LMF1: variants seen among roughly 807,000 people sequenced by gnomAD.
LMF1 encodes the protein lipase maturation factor 1, also known as transmembrane protein 112.
Under a neutral mutation model 60.6 loss-of-function variants are expected in LMF1, and 68 were observed. The observed-to-expected ratio is 1.12, with a 90% CI of 0.92 to 1.37. The LOEUF is 1.37. LMF1 is among the 40% of genes most tolerant of loss of function. The pLI, the probability that LMF1 is intolerant of heterozygous loss-of-function variation, is 0.00. For synonymous variants in LMF1, 418 were observed against 324.7 expected (o/e 1.29, Z -3.09); for missense variants, 948 against 767.2 (o/e 1.24, Z -2.78).
At position 966,950 on chromosome 16, in the gene LMF1, T is replaced by C. The variant is rs148921816; in HGVS notation, c.193+3838A>G. On this transcript the variant is annotated intron_variant, in intron 1 of 10. Coordinates refer to ENST00000262301, the MANE Select transcript of LMF1 (RefSeq NM_022773.4). ...AGGCAGTTAAAATGCATTGTGTACA[T>C]ATACTATGTGACTCTCATCAATAGC... is the stretch of plus-strand genomic sequence containing the variant. Among the ~76,000 whole-genome samples, 45 of 152,388 alleles carry C rather than the reference T, an allele frequency of 3.0e-4. No individual in the cohort carries two copies. The East Asian group carries it at 6.9e-3, about 23-fold the overall frequency.
chr16:886,477 G>T (rs140049223), intron 5 of LMF1, among the ~76,000 whole-genome samples: 2,527 of 151,536 alleles, frequency 0.017, 64 homozygotes, highest in African/African-American at 0.059. Flanking sequence ...TTTGAACCGC[G>T]CCCGGCCAAA....
At chr16:869,799 G>A (rs1294893153) in intron 9 of LMF1, 84 bp downstream of exon 9, 1 of 1,394,584 alleles carries the variant, frequency 7.2e-7, no homozygotes, top group East Asian at 2.5e-5. Context: ...CCCCTTCAGT[G>A]GGCGTTCTAG....
chr16:882,221 A>G (rs2070181349), intron 5 of LMF1, among the ~76,000 whole-genome samples: 1 of 152,248 alleles, frequency 6.6e-6, no homozygotes, highest in South Asian at 2.1e-4. Context: ...TGGGGCTGAC[A>G]TGACCCAATG....
chr16:907,406 GA>G lies in LMF1; in HGVS notation c.663+3524del, dbSNP rs921252114. ...ACAAGGCGAGACTCCATCTCAAAAA[GA>G]AAAAAAAAAAAGAAATACAACTGAT... On this transcript the variant is annotated intron_variant, in intron 4 of 10. Coordinates refer to ENST00000262301, the MANE Select transcript of LMF1 (RefSeq NM_022773.4). Among the ~76,000 whole-genome samples, 215 of 141,026 alleles carry G rather than the reference GA, an allele frequency of 1.5e-3. 4 individuals are homozygous for G. The East Asian group carries it at 0.026, about 17-fold the overall frequency. The allele number at this position is 141,026 out of a possible 152,430, so 92.5% of individuals were successfully genotyped here.
At chr16:881,268 T>G (rs1049373256) in intron 5 of LMF1, among the ~76,000 whole-genome samples, 5 of 152,232 alleles carry the variant, frequency 3.3e-5, no homozygotes, top group African/African-American at 1.2e-4. Flanking sequence ...TCCTGAGGCC[T>G]CTGCTCATTT....
chr16:977,078 C>A, intron 1 of LMF1: 1 of 454,116 alleles, frequency 2.2e-6, no homozygotes, highest in Non-Finnish European at 4.4e-6. Flanking sequence ...CTACAGAGGC[C>A]CAGAAAGCAC....
intron 5 of LMF1, among the ~76,000 whole-genome samples, chr16:892,575 T>C (rs549073960): frequency 2.6e-5 from 4 of 152,346 alleles, no homozygotes; most frequent in Admixed American, 2.0e-4. Flanking sequence ...ACCTGCCCTG[T>C]GGGACACACC....
intron 2 of LMF1, among the ~76,000 whole-genome samples, chr16:937,159 C>T (rs564177414): frequency 6.6e-6 from 1 of 152,302 alleles, no homozygotes; most frequent in South Asian, 2.1e-4. Flanking sequence ...TTTTGCATTT[C>T]AAGGCTGCCT....
chr16:954,685 A>T lies in LMF1; in HGVS notation c.194-19T>A. On this transcript the variant is annotated intron_variant, in intron 1 of 10. Coordinates refer to ENST00000262301, the MANE Select transcript of LMF1 (RefSeq NM_022773.4). ...GCCACGACTGGAAGAAAAAGAAGAC[A>T]AAACAAGCATGACTAGGAACAAACC... 1 of 1,571,042 alleles carries T rather than the reference A, an allele frequency of 6.4e-7. No homozygotes were observed. Among genetic ancestry groups the T allele is most frequent in the South Asian group, 1.2e-5 (1 of 84,064 alleles).
chr16:972,809 A>G (rs985163333), upstream of LMF1, among the ~76,000 whole-genome samples: 1 of 152,172 alleles, frequency 6.6e-6, no homozygotes, highest in African/African-American at 2.4e-5. Flanking sequence ...CCGGCTCTGC[A>G]TTTGCCCAGG....
intron 3 of LMF1, among the ~76,000 whole-genome samples, chr16:912,010 C>A (rs1232684005): frequency 6.6e-6 from 1 of 152,184 alleles, no homozygotes; most frequent in Non-Finnish European, 1.5e-5. Context: ...AATGTGGCTG[C>A]TGGAAACTGC....
chr16:876,465 G>C (rs2069979361), intron 6 of LMF1, among the ~76,000 whole-genome samples: 1 of 152,196 alleles, frequency 6.6e-6, no homozygotes, highest in Admixed American at 6.5e-5. Flanking sequence ...CGGGACTTTA[G>C]TTGGCAACAG....
rs71384613 is a variant in LMF1, at chr16:951,046, G to A, written c.503+3311C>T. The stretch of plus-strand genomic sequence containing the variant: ...CGACAGAGTCAGAGCCAATGACAGA[G>A]TCAGCCAATGACAGAGTCAGCCGAC... On this transcript the variant is annotated intron_variant, in intron 2 of 10. Transcript: ENST00000262301. 6.5e-3 allele frequency among the ~76,000 whole-genome samples: 687 copies of A among 105,558 alleles called. 167 individuals carry two copies. Among genetic ancestry groups the A allele is most frequent in the African/African-American group, 0.036 (652 of 18,184 alleles). The allele number at this position is 105,558 out of a possible 152,430, so 69.3% of individuals were successfully genotyped here.
chr16:971,247 T>C (rs1596178955), upstream of LMF1, among the ~76,000 whole-genome samples: 9 of 152,270 alleles, frequency 5.9e-5, no homozygotes, highest in Admixed American at 3.3e-4. Context: ...TGGGAGGTGG[T>C]GCGCGTCGCC....
Position 853,689 on chromosome 16 carries a change from C to A in LMF1, c.*843G>T, listed in dbSNP as rs1334680419. 2.2e-6 allele frequency: 1 copy of A among 454,008 alleles called. No homozygotes were observed. Among genetic ancestry groups the A allele is most frequent in the South Asian group, 1.6e-5 (1 of 64,486 alleles). 28.1% of individuals were successfully genotyped at this position (454,008 alleles called of 1,614,324 possible). ...GGAATAGTAGAAGAATATGCCATAG[C>A]TATGGCTCAAGAATAGGAATAAGAA... is the stretch of plus-strand genomic sequence containing the variant. On this transcript the variant is annotated 3_prime_UTR_variant, in exon 11 of 11. Transcript: ENST00000262301.
upstream of LMF1, among the ~76,000 whole-genome samples, chr16:973,651 C>T (rs753179787): frequency 6.6e-6 from 1 of 152,194 alleles, no homozygotes; most frequent in Non-Finnish European, 1.5e-5. Flanking sequence ...AACACCGAGT[C>T]GTTCACTGGC....
In LMF1 at chr16:970,833, A is replaced by C. The variant is rs1228708441; in HGVS notation, c.148T>G (p.Trp50Gly). ...SPAHLHTGTF[W>G]LTRIVLLKAL... ...TTCAGGAGCACGATCCGGGTCAGCCAGAAGGTGCCCGTGTGGAGATGGGCC... is the reference window on the plus strand; with the variant it reads ...TTCAGGAGCACGATCCGGGTCAGCCCGAAGGTGCCCGTGTGGAGATGGGCC... Residue 50 changes from tryptophan (W) to glycine (G), a missense_variant, in exon 1 of 11, where the codon TGG becomes GGG. By Grantham distance (184) the Trp-to-Gly change is radical (BLOSUM62 -2). Coordinates refer to ENST00000262301, the MANE Select transcript of LMF1 (RefSeq NM_022773.4). 1 of 1,550,172 alleles carries C rather than the reference A, an allele frequency of 6.5e-7. No homozygotes were observed. The highest frequency in any genetic ancestry group is 1.4e-5 in the African/African-American group (1 of 72,020).
intron 4 of LMF1, among the ~76,000 whole-genome samples, chr16:904,418 C>A (rs4984965): frequency 0.11 from 8,838 of 78,192 alleles, 352 homozygotes; most frequent in African/African-American, 0.27. Flanking sequence ...CCTGTCTCTG[C>A]TGCGTGGTGG....
At chr16:899,218 G>A (rs2070743194) in intron 4 of LMF1, 1 of 152,242 alleles carries the variant, frequency 6.6e-6, no homozygotes, top group South Asian at 2.1e-4. Context: ...CCGGAGGTCG[G>A]AGGCACAAAG....
Sources: allele counts gnomAD v4.1 joint callset (sites outside exome capture counted in the v4.1 genomes callset), GRCh38; gene constraint gnomAD v4.1.1; transcripts MANE v1.5; gene names NCBI Gene and HGNC (gene_info 2026-07-23, HGNC 2026-07-21).